HMOX2: variants seen among roughly 807,000 people sequenced by gnomAD.
HMOX2 encodes heme oxygenase 2.
A neutral mutation model predicts 33.7 loss-of-function variants in HMOX2; 30 were observed. The ratio of observed to expected loss-of-function variants is 0.89; its 90% CI spans 0.67 to 1.21. The LOEUF is 1.21. Among genes scored for constraint, HMOX2 ranks in the 50% most tolerant of loss-of-function variants. The pLI, the probability that HMOX2 is intolerant of heterozygous loss-of-function variation, is 0.00. For missense variants in HMOX2, 403 were observed against 399.1 expected, an observed-to-expected ratio of 1.01 and a Z score of -0.08; for synonymous variants, 155 against 155.0, an observed-to-expected ratio of 1.00 and a Z score of 0.00.
intron 1 of HMOX2, among the ~76,000 whole-genome samples, chr16:4,499,894 T>A (rs1403143167): frequency 6.6e-6 from 1 of 152,214 alleles, no homozygotes; most frequent in Non-Finnish European, 1.5e-5. Context: ...AAAATTTGTA[T>A]TACTTTACTT....
In HMOX2 at chr16:4,491,769, C is replaced by T. The variant is rs189943912; in HGVS notation, c.-41-13715C>T. On this transcript the variant is annotated intron_variant, in intron 1 of 5. Coordinates refer to ENST00000570646, the MANE Select transcript of HMOX2 (RefSeq NM_002134.4). ...TGTCACTCAGGCTGGAGTGCTGTGG[C>T]ATGATCTCGGCTCACTGCAACCTCC... Among the ~76,000 whole-genome samples the T allele has an allele frequency of 3.6e-3, 541 of 151,934 alleles. 4 individuals carry two copies. Among genetic ancestry groups the T allele is most frequent in the Non-Finnish European group, 4.1e-3 (276 of 67,956 alleles).
intron 1 of HMOX2, among the ~76,000 whole-genome samples, chr16:4,494,309 C>G (rs1025327177): frequency 1.4e-5 from 2 of 147,518 alleles, no homozygotes; most frequent in African/African-American, 5.0e-5. Context: ...GAGTGAGACT[C>G]TGCCACAAAA....
intron 3 of HMOX2, 58 bp from the exon 4 acceptor site, chr16:4,507,655 C>A: frequency 6.4e-7 from 1 of 1,568,502 alleles, no homozygotes; most frequent in African/African-American, 1.4e-5. Context: ...CCTCTGCATC[C>A]AGCTGCTCGG....
upstream of HMOX2, among the ~76,000 whole-genome samples, chr16:4,475,713 G>T (rs2057804074): frequency 6.6e-6 from 1 of 151,788 alleles, no homozygotes; most frequent in African/African-American, 2.4e-5. Flanking sequence ...CGAGGCGGGT[G>T]GATCACCTGA....
At chr16:4,481,134 C>T (rs1470905243) in intron 1 of HMOX2, among the ~76,000 whole-genome samples, 2 of 151,322 alleles carry the variant, frequency 1.3e-5, no homozygotes, top group Non-Finnish European at 3.0e-5. Flanking sequence ...ATCACGAGGT[C>T]AGGAGATCGA....
chr16:4,475,669 T>A (rs573541102), upstream of HMOX2, among the ~76,000 whole-genome samples: 36 of 151,774 alleles, frequency 2.4e-4, no homozygotes, highest in East Asian at 6.9e-3. Flanking sequence ...CTGGGCTGGG[T>A]GCGGTGGCCT....
intron 1 of HMOX2, among the ~76,000 whole-genome samples, chr16:4,481,067 C>G (rs959052429): frequency 6.6e-6 from 1 of 151,700 alleles, no homozygotes; most frequent in South Asian, 2.1e-4. Flanking sequence ...ACAATCTGGT[C>G]CGGGCGCGGT....
chr16:4,480,702 G>C (rs1427986131), intron 1 of HMOX2, among the ~76,000 whole-genome samples: 1 of 149,974 alleles, frequency 6.7e-6, no homozygotes, highest in Non-Finnish European at 1.5e-5. Flanking sequence ...ACCCAGGCTG[G>C]AGTGCAGTGG....
At chr16:4,498,133 C>T (rs766217414) in intron 1 of HMOX2, among the ~76,000 whole-genome samples, 3 of 140,788 alleles carry the variant, frequency 2.1e-5, no homozygotes, top group Non-Finnish European at 4.5e-5. Context: ...GTGGCACTGT[C>T]GGCTCACTGC....
intron 1 of HMOX2, chr16:4,479,388 C>T (rs2057956127): frequency 6.6e-6 from 1 of 151,948 alleles, no homozygotes; most frequent in South Asian, 2.1e-4. Context: ...TGTTTGGGGT[C>T]CTTGTCTAAG....
chr16:4,508,147 G>A lies in HMOX2; in HGVS notation c.639G>A (p.Met213Ile), dbSNP rs1325427236. 1 of 1,613,910 alleles carries A rather than the reference G, an allele frequency of 6.2e-7. No homozygotes were observed. The highest frequency in any genetic ancestry group is 8.5e-7 in the Non-Finnish European group (1 of 1,179,960). The change falls in exon 4 of 6, where the codon ATG becomes ATA. Residue 213 changes from methionine to isoleucine, a missense_variant. Met to Ile is a conservative substitution (Grantham distance 10). Transcript: ENST00000570646. ...GGATGAACGCCCTGGACCTGAACATGAAGACCAAAGAGAGGATCGTGGAGG... is the reference window on the plus strand; with the variant it reads ...GGATGAACGCCCTGGACCTGAACATAAAGACCAAAGAGAGGATCGTGGAGG... ...RARMNALDLN[M>I]KTKERIVEEA...
rs1596473839 is a variant in HMOX2, at chr16:4,505,466, C to T, written c.-41-18C>T. On this transcript the variant is annotated intron_variant, in intron 1 of 5. Coordinates refer to ENST00000570646, the MANE Select transcript of HMOX2 (RefSeq NM_002134.4). ...ACTGCCGTGGGTGCCACATCACCAG[C>T]TCCTTGTGTCTCTGCAGGACCAGAG... 4.5e-6 allele frequency: 6 copies of T among 1,339,344 alleles called. No homozygotes were observed. The East Asian group carries it at 1.5e-4, about 33-fold the overall frequency. The allele number at this position is 1,339,344 out of a possible 1,614,324, so 83.0% of individuals were successfully genotyped here. A position where few individuals can be genotyped will look rare whatever the true frequency, so the allele number is the denominator to read the frequency against.
upstream of HMOX2, chr16:4,476,173 A>T (rs1215666224): frequency 1.3e-5 from 2 of 152,312 alleles, no homozygotes; most frequent in Non-Finnish European, 2.9e-5. Context: ...CTCAACCCTG[A>T]GGCACCCTCA....
intron 1 of HMOX2, among the ~76,000 whole-genome samples, chr16:4,499,983 C>G (rs1331129889): frequency 6.6e-6 from 1 of 152,220 alleles, no homozygotes; most frequent in African/African-American, 2.4e-5. Flanking sequence ...AACTGGCTTT[C>G]TCAGTAGGAA....
chr16:4,474,934 AACTC>A (rs2057772765), upstream of HMOX2: 1 of 152,088 alleles, frequency 6.6e-6, no homozygotes, highest in African/African-American at 2.4e-5. Flanking sequence ...TTCTTTGCCT[AACTC>A]ACTTTTAAAA....
chr16:4,496,282 C>G (rs2141575111), intron 1 of HMOX2: 1 of 152,290 alleles, frequency 6.6e-6, no homozygotes, highest in African/African-American at 2.4e-5. Flanking sequence ...CGCCACCACG[C>G]CTGGCTAATA....
At chr16:4,503,512 T>C (rs2058611915) in intron 1 of HMOX2, among the ~76,000 whole-genome samples, 1 of 152,242 alleles carries the variant, frequency 6.6e-6, no homozygotes, top group Non-Finnish European at 1.5e-5. Flanking sequence ...CATTTTTCTG[T>C]ACATCCCGAT....
At chr16:4,486,089 G>T (rs940515605) in intron 1 of HMOX2, among the ~76,000 whole-genome samples, 1 of 152,212 alleles carries the variant, frequency 6.6e-6, no homozygotes, top group East Asian at 1.9e-4. Flanking sequence ...CTCTGATTCT[G>T]AAAGGGATTT....
rs2058795910 is a variant in HMOX2, at chr16:4,509,884, A to G, written c.*128A>G. On this transcript the variant is annotated 3_prime_UTR_variant, in exon 6 of 6. Coordinates refer to ENST00000570646, the MANE Select transcript of HMOX2 (RefSeq NM_002134.4). ...ATGCTGGGTTTAAGAAAGGCAACCAATAAAAGCCAGATGCTAGAGCCTCTG... is the reference window on the plus strand; with the variant it reads ...ATGCTGGGTTTAAGAAAGGCAACCAGTAAAAGCCAGATGCTAGAGCCTCTG... 10 of 1,048,432 alleles carry G rather than the reference A, an allele frequency of 9.5e-6. No individual in the cohort carries two copies. Among genetic ancestry groups the G allele is most frequent in the Non-Finnish European group, 1.2e-5 (9 of 733,726 alleles). 64.9% of individuals were successfully genotyped at this position (1,048,432 alleles called of 1,614,324 possible).
Sources: gnomAD v4.1 joint callset for allele counts (sites outside exome capture counted in the v4.1 genomes callset) on GRCh38, gnomAD v4.1.1 for gene constraint, MANE v1.5 for transcripts, NCBI Gene and HGNC (gene_info 2026-07-23, HGNC 2026-07-21) for gene names.